Variants in CDH2 observed in about 807,000 individuals in gnomAD.
The protein encoded by CDH2 is cadherin-2.
Under a neutral mutation model 92.0 loss-of-function variants are expected in CDH2, and 17 were observed. That is an observed-to-expected ratio of 0.18 (90% CI 0.13 to 0.28). The LOEUF is 0.28. CDH2 is among the 10% of genes least tolerant of loss of function. The pLI, the probability that CDH2 is intolerant of heterozygous loss-of-function variation, is 1.00. For missense variants in CDH2, 862 were observed against 1,133.1 expected (o/e 0.76, Z 3.44); for synonymous variants, 419 against 415.9 (o/e 1.01, Z -0.09).
At chr18:28,040,259 A>C (rs2013923098) in intron 2 of CDH2, among the ~76,000 whole-genome samples, 1 of 152,148 alleles carries the variant, frequency 6.6e-6, no homozygotes, top group South Asian at 2.1e-4. Context: ...TGTATGATCA[A>C]GATAGTAATA....
At chr18:28,018,487 AACTAT>A (rs765005167) in intron 2 of CDH2, among the ~76,000 whole-genome samples, 63 of 152,282 alleles carry the variant, frequency 4.1e-4, no homozygotes, top group Non-Finnish European at 7.9e-4. Context: ...CTTGACCTCA[AACTAT>A]ACTATAAGTC....
chr18:27,993,542 C>T lies in CDH2; in HGVS notation c.1116G>A (p.Val372=). Residue 372 remains valine, a synonymous_variant, in exon 8 of 16, where the codon GTG becomes GTA. Transcript: ENST00000269141. ...LSNTATAVIT[V]TDVNDNPPEF... is the part of the protein sequence containing the mutation. ...CTGGAGGATTGTCATTGACATCTGT[C>T]ACTGTGATGACGGCCGTGGCTGTGT... 6.2e-7 allele frequency: 1 copy of T among 1,614,122 alleles called. No individual in the cohort carries two copies. The highest frequency in any genetic ancestry group is 1.3e-5 in the African/African-American group (1 of 75,038).
In CDH2 at chr18:27,990,185, T is replaced by C. The variant is rs754534891; in HGVS notation, c.1510A>G (p.Ile504Val). The C allele has an allele frequency of 3.7e-6, 6 of 1,614,020 alleles. No individual in the cohort carries two copies. The highest frequency in any genetic ancestry group is 1.3e-5 in the African/African-American group (1 of 74,930). ...GCATGAAGCCCTTCTTCTTGGCGAATGATCTTAGGATTGGGGGCAAAATAA... is the reference window on the plus strand; with the variant it reads ...GCATGAAGCCCTTCTTCTTGGCGAACGATCTTAGGATTGGGGGCAAAATAA... ...NPYFAPNPKI[I>V]RQEEGLHAGT... is the part of the protein sequence containing the mutation. Residue 504 changes from isoleucine to valine, a missense_variant, in exon 10 of 16, where the codon ATT becomes GTT. This residue lies in a region of CDH2 where 564 missense variants were observed against 722.2 expected (regional missense o/e 0.78). Coordinates refer to ENST00000269141, the MANE Select transcript of CDH2 (RefSeq NM_001792.5).
At chr18:27,932,921 C>G (rs1428952765) in exon 7 of CDH2, among the ~76,000 whole-genome samples, 5 of 152,112 alleles carry the variant, frequency 3.3e-5, no homozygotes, top group Admixed American at 2.6e-4. Context: ...TAATACTATG[C>G]TGCAATATTG....
chr18:27,973,962 C>T lies in CDH2; in HGVS notation c.2349+8982G>A, dbSNP rs1225996639. ...GACCTCCTTTCTCCATCCCAAATGC[C>T]CACGACCTGAAACCCAGTTAATGTT... On this transcript the variant is annotated intron_variant, in intron 14 of 15. Coordinates refer to ENST00000269141, the MANE Select transcript of CDH2 (RefSeq NM_001792.5). 2.6e-5 allele frequency among the ~76,000 whole-genome samples: 4 copies of T among 152,274 alleles called. No homozygotes were observed. In the East Asian group the frequency reaches 7.7e-4, roughly 29 times the overall value.
At chr18:27,995,979 A>T (rs937187475) in intron 7 of CDH2, among the ~76,000 whole-genome samples, 2 of 152,292 alleles carry the variant, frequency 1.3e-5, no homozygotes, top group Admixed American at 6.5e-5. Flanking sequence ...GCTGTGAATG[A>T]CTGACATTTA....
In CDH2 at chr18:28,009,548, A is replaced by G. The variant is rs146832686; in HGVS notation, c.702+169T>C. Among the ~76,000 whole-genome samples, 639 of 152,298 alleles carry G rather than the reference A, an allele frequency of 4.2e-3. 6 individuals carry two copies. Among genetic ancestry groups the G allele is most frequent in the African/African-American group, 0.015 (619 of 41,568 alleles). Reference sequence around the variant, plus strand: ...TATTTGTTTTTCTATGAGGGCATTTATCAATTCTATAAAAACAATAACATT... The same window carrying G: ...TATTTGTTTTTCTATGAGGGCATTTGTCAATTCTATAAAAACAATAACATT... On this transcript the variant is annotated intron_variant, in intron 5 of 15. Coordinates refer to ENST00000269141, the MANE Select transcript of CDH2 (RefSeq NM_001792.5).
chr18:27,993,181 A>G (rs1035844951), intron 8 of CDH2, among the ~76,000 whole-genome samples: 1 of 152,206 alleles, frequency 6.6e-6, no homozygotes, highest in Non-Finnish European at 1.5e-5. Context: ...TATGCTGACA[A>G]AGTAGCATAA....
At chr18:28,168,586 T>A (rs550882195) in intron 1 of CDH2, 13 of 435,020 alleles carry the variant, frequency 3.0e-5, no homozygotes, top group South Asian at 3.0e-4. Context: ...TTAAAAAAAA[T>A]TATTTTTGAG....
chr18:28,058,018 A>G (rs1483844821), intron 2 of CDH2, among the ~76,000 whole-genome samples: 1 of 152,200 alleles, frequency 6.6e-6, no homozygotes, highest in Non-Finnish European at 1.5e-5. Context: ...CATCTTGGGA[A>G]GATAATCAAA....
intron 2 of CDH2, among the ~76,000 whole-genome samples, chr18:28,041,387 C>T (rs2144106199): frequency 6.6e-6 from 1 of 152,252 alleles, no homozygotes; most frequent in East Asian, 1.9e-4. Flanking sequence ...ATTATTTTCT[C>T]ATTGTAATCA....
At chr18:27,948,034 C>CT (rs970348582), downstream of CDH2, among the ~76,000 whole-genome samples, 2 of 137,276 alleles carry the variant, frequency 1.5e-5, no homozygotes, top group African/African-American at 5.3e-5. Context: ...AGTGATATAA[C>CT]TTTGATATAA....
chr18:28,064,026 C>T (rs1454561628), intron 2 of CDH2, among the ~76,000 whole-genome samples: 4 of 152,248 alleles, frequency 2.6e-5, no homozygotes, highest in African/African-American at 9.6e-5. Context: ...GCCTGCAAGG[C>T]GTTAACAACC....
chr18:27,996,730 C>G (rs149716174), intron 7 of CDH2, among the ~76,000 whole-genome samples: 231 of 152,304 alleles, frequency 1.5e-3, no homozygotes, highest in African/African-American at 5.5e-3. Flanking sequence ...ATATATGGCA[C>G]AGTGCCTGAC....
At chr18:28,122,699 G>C (rs17498636) in intron 2 of CDH2, among the ~76,000 whole-genome samples, 1 of 152,034 alleles carries the variant, frequency 6.6e-6, no homozygotes, top group Non-Finnish European at 1.5e-5. Flanking sequence ...TTTAAATCAC[G>C]ACCTTATAAG....
At chr18:28,003,991 C>A (rs1261204139) in intron 6 of CDH2, among the ~76,000 whole-genome samples, 1 of 152,094 alleles carries the variant, frequency 6.6e-6, no homozygotes, top group Admixed American at 6.6e-5. Flanking sequence ...TTCAGTTCTA[C>A]CTTACAGCCT....
chr18:27,963,094 A>G (rs541678727), intron 15 of CDH2, among the ~76,000 whole-genome samples: 1 of 152,346 alleles, frequency 6.6e-6, no homozygotes, highest in East Asian at 1.9e-4. Context: ...TCTCGGAGAC[A>G]GTGTGACTAA....
chr18:28,069,413 T>C (rs929960810), intron 2 of CDH2, among the ~76,000 whole-genome samples: 1 of 152,188 alleles, frequency 6.6e-6, no homozygotes, highest in African/African-American at 2.4e-5. Flanking sequence ...CCAGAGGAAC[T>C]ACCCTCCTCA....
intron 2 of CDH2, chr18:28,097,333 T>C (rs1440655980): frequency 6.6e-6 from 1 of 151,130 alleles, no homozygotes; most frequent in Non-Finnish European, 1.5e-5. Context: ...GGTTACAATA[T>C]TCCAAAGGAA....
Sources: gnomAD v4.1 joint callset for allele counts (sites outside exome capture counted in the v4.1 genomes callset) on GRCh38, gnomAD v4.1.1 for gene constraint, gnomAD v4.1.1 regional missense constraint, MANE v1.5 for transcripts, NCBI Gene and HGNC (gene_info 2026-07-23, HGNC 2026-07-21) for gene names.